DGLUCY: variants seen among roughly 807,000 people sequenced by gnomAD.
DGLUCY encodes the protein D-glutamate cyclase.
Under a neutral mutation model 58.5 loss-of-function variants are expected in DGLUCY, and 58 were observed. That is an observed-to-expected ratio of 0.99 (90% CI 0.80 to 1.23). The LOEUF (loss-of-function observed/expected upper bound fraction) is 1.23. Ranked by LOEUF, DGLUCY falls within the 50% of genes most tolerant of loss-of-function variation. DGLUCY has a pLI of 0.00. For missense variants in DGLUCY, 779 were observed against 784.7 expected (o/e 0.99, Z 0.09); for synonymous variants, 325 against 314.1 (o/e 1.03, Z -0.37).
chr14:91,068,079 G>GCGCA (rs375738080), intron 1 of DGLUCY, among the ~76,000 whole-genome samples: 12,915 of 146,352 alleles, frequency 0.088, 721 homozygotes, highest in East Asian at 0.27. Context: ...ACACGCGCAC[G>GCGCA]CACACACACA....
At chr14:91,137,748 T>C (rs2046427514) in intron 1 of DGLUCY, among the ~76,000 whole-genome samples, 1 of 151,744 alleles carries the variant, frequency 6.6e-6, no homozygotes, top group African/African-American at 2.4e-5. Flanking sequence ...AAGGTTAGAG[T>C]AATATTTCTA....
At chr14:91,208,698 ATGATT>A (rs1885167331) in intron 12 of DGLUCY, among the ~76,000 whole-genome samples, 1 of 152,178 alleles carries the variant, frequency 6.6e-6, no homozygotes, top group Non-Finnish European at 1.5e-5. Flanking sequence ...GCGGTGAGCC[ATGATT>A]GTGCCACTAT....
chr14:91,074,881 T>A (rs1364982609), intron 1 of DGLUCY, among the ~76,000 whole-genome samples: 1 of 152,150 alleles, frequency 6.6e-6, no homozygotes, highest in Non-Finnish European at 1.5e-5. Context: ...AAGACCAGCC[T>A]GACCAACATG....
chr14:91,118,954 CT>C, intron 1 of DGLUCY, among the ~76,000 whole-genome samples: 1 of 151,992 alleles, frequency 6.6e-6, no homozygotes, highest in Non-Finnish European at 1.5e-5. Flanking sequence ...CCTAAAAAGT[CT>C]ACCTAAAAAG....
rs576592640 is a variant in DGLUCY, at chr14:91,151,177, C to T, written c.-81-6462C>T. Among the ~76,000 whole-genome samples the T allele has an allele frequency of 4.3e-4, 65 of 152,354 alleles. 1 individual carries two copies. The highest frequency in any genetic ancestry group is 1.5e-3 in the African/African-American group (63 of 41,584). The stretch of plus-strand genomic sequence containing the variant: ...CTTTTTAAGGCTGAAGAATATTCTA[C>T]TGTATGTATATACCACATTTTGTTT... On this transcript the variant is annotated intron_variant, in intron 1 of 13. Transcript: ENST00000256324.
intron 5 of DGLUCY, among the ~76,000 whole-genome samples, chr14:91,172,052 C>G (rs1220134953): frequency 6.6e-6 from 1 of 152,078 alleles, no homozygotes; most frequent in Non-Finnish European, 1.5e-5. Flanking sequence ...TTCCCTCCCT[C>G]CCTTCTTTAT....
chr14:91,223,605 G>T (rs918051903), intron 13 of DGLUCY: 24 of 1,208,598 alleles, frequency 2.0e-5, no homozygotes, highest in Non-Finnish European at 2.6e-5. Context: ...GGCAAGTGGT[G>T]CTTTGGGATT....
intron 4 of DGLUCY, among the ~76,000 whole-genome samples, chr14:91,168,782 C>T (rs1038466233): frequency 2.0e-5 from 3 of 152,192 alleles, no homozygotes; most frequent in Non-Finnish European, 2.9e-5. Context: ...ATTAGGGTTA[C>T]GAGCTCTTTA....
At chr14:91,063,841 G>T (rs570268804) in intron 1 of DGLUCY, among the ~76,000 whole-genome samples, 21 of 152,274 alleles carry the variant, frequency 1.4e-4, no homozygotes, top group African/African-American at 4.1e-4. Context: ...TTTAAACACA[G>T]GAATGATATA....
At chr14:91,164,891 A>G (rs1310804626) in intron 3 of DGLUCY, among the ~76,000 whole-genome samples, 1 of 152,244 alleles carries the variant, frequency 6.6e-6, no homozygotes, top group Admixed American at 6.5e-5. Context: ...ATTAGCTGGT[A>G]GCAAAACCAG....
At chr14:91,165,946 T>A (rs1000986794) in intron 3 of DGLUCY, among the ~76,000 whole-genome samples, 2 of 152,252 alleles carry the variant, frequency 1.3e-5, no homozygotes, top group Admixed American at 6.5e-5. Flanking sequence ...ACTACTCAGA[T>A]GTCCATTAGC....
intron 1 of DGLUCY, among the ~76,000 whole-genome samples, chr14:91,124,267 A>C (rs2045555954): frequency 6.6e-6 from 1 of 152,150 alleles, no homozygotes. Flanking sequence ...GCTAACTGGG[A>C]GTGAAGCAGC....
intron 1 of DGLUCY, chr14:91,126,569 C>T (rs982835238): frequency 3.9e-5 from 8 of 207,766 alleles, no homozygotes; most frequent in East Asian, 1.2e-4. Flanking sequence ...AAACAAAAAA[C>T]GTGTCAGACC....
intron 13 of DGLUCY, chr14:91,220,565 G>C: frequency 2.2e-6 from 1 of 456,356 alleles, no homozygotes; most frequent in Non-Finnish European, 4.4e-6. Flanking sequence ...CAGAGCTGGG[G>C]CCTCCAGATG....
Position 91,188,933 on chromosome 14 carries a change from C to T in DGLUCY, c.958C>T (p.Leu320Phe). ...AGGGAACCGGGGGATTGGGCACCTGCTCTGTAAAGATGAGCTGCTGAAGGC... is the reference window on the plus strand; with the variant it reads ...AGGGAACCGGGGGATTGGGCACCTGTTCTGTAAAGATGAGCTGCTGAAGGC... The part of the protein sequence containing the change: ...DPGNRGIGHL[L>F]CKDELLKASL... The change falls in exon 9 of 14, where the codon CTC becomes TTC. Residue 320 changes from leucine to phenylalanine, a missense_variant. Transcript: ENST00000256324. 1 of 1,614,152 alleles carries T rather than the reference C, an allele frequency of 6.2e-7. No individual in the cohort carries two copies. Among genetic ancestry groups the T allele is most frequent in the African/African-American group, 1.3e-5 (1 of 75,048 alleles).
chr14:91,175,055 T>A (rs1013739702), intron 6 of DGLUCY, among the ~76,000 whole-genome samples: 1 of 152,180 alleles, frequency 6.6e-6, no homozygotes, highest in African/African-American at 2.4e-5. Flanking sequence ...GAACTTCCAA[T>A]GAATCTGGGG....
intron 1 of DGLUCY, among the ~76,000 whole-genome samples, chr14:91,077,873 A>G (rs967230881): frequency 3.3e-5 from 5 of 151,326 alleles, no homozygotes; most frequent in African/African-American, 1.2e-4. Context: ...AAAGGAAGGA[A>G]GGGAAGGAAG....
At chr14:91,100,085 GAA>G (rs2044462137) in intron 1 of DGLUCY, among the ~76,000 whole-genome samples, 2 of 147,518 alleles carry the variant, frequency 1.4e-5, no homozygotes, top group African/African-American at 5.0e-5. Context: ...AGAAGAAGAA[GAA>G]AAGAAAAGAA....
intron 1 of DGLUCY, among the ~76,000 whole-genome samples, chr14:91,089,170 T>G (rs915654787): frequency 6.6e-5 from 10 of 152,216 alleles, no homozygotes; most frequent in Non-Finnish European, 1.3e-4. Context: ...CTGCCCACCA[T>G]GGGACAGTAA....
Sources: gnomAD v4.1 joint callset for allele counts (sites outside exome capture counted in the v4.1 genomes callset) on GRCh38, gnomAD v4.1.1 for gene constraint, MANE v1.5 for transcripts, NCBI Gene and HGNC (gene_info 2026-07-23, HGNC 2026-07-21) for gene names.